PRRC1: variants seen among roughly 807,000 people sequenced by gnomAD.
PRRC1 encodes protein PRRC1.
In PRRC1, 39 loss-of-function variants were observed where a neutral mutation model predicts 40.7. The observed-to-expected ratio is 0.96, with a 90% CI of 0.74 to 1.25. PRRC1 has a LOEUF of 1.25. Ranked by LOEUF, PRRC1 falls within the 50% of genes most tolerant of loss-of-function variation. PRRC1 has a pLI of 0.00. For missense variants in PRRC1, 573 were observed against 548.3 expected (o/e 1.05, Z -0.45); for synonymous variants, 175 against 193.3 (o/e 0.91, Z 0.79).
intron 1 of PRRC1, among the ~76,000 whole-genome samples, chr5:127,518,325 G>A (rs1340325183): frequency 2.6e-5 from 4 of 152,234 alleles, no homozygotes; most frequent in African/African-American, 9.6e-5. Flanking sequence ...TTACCCCATC[G>A]GTGCTTAGCG....
Position 127,533,698 on chromosome 5 carries a change from A to G in PRRC1, c.833A>G (p.Gln278Arg). 1 of 1,614,142 alleles carries G rather than the reference A, an allele frequency of 6.2e-7. No homozygotes were observed. Among genetic ancestry groups the G allele is most frequent in the Non-Finnish European group, 8.5e-7 (1 of 1,180,004 alleles). Reference protein sequence around the residue: ...VKVAAVRDAFQEVFGLAVVVG... With the variant: ...VKVAAVRDAFREVFGLAVVVG... ...GTTGCTGCTGTCCGAGATGCCTTCC[A>G]GGAGGTCTTTGGCTTAGCTGTGGTT... The change falls in exon 6 of 9, where the codon CAG becomes CGG. Residue 278 changes from glutamine to arginine, a missense_variant. Coordinates refer to ENST00000296666, the MANE Select transcript of PRRC1 (RefSeq NM_130809.5).
chr5:127,535,985 A>C (rs1767891420), intron 6 of PRRC1, among the ~76,000 whole-genome samples: 1 of 152,146 alleles, frequency 6.6e-6, no homozygotes, highest in South Asian at 2.1e-4. Context: ...CATACCACAA[A>C]ACCACTTTTC....
intron 5 of PRRC1, 86 bp from the exon 6 acceptor site, chr5:127,533,537 A>G: frequency 1.9e-6 from 2 of 1,066,544 alleles, no homozygotes; most frequent in African/African-American, 1.6e-5. Flanking sequence ...AATTATGTAT[A>G]TTAGATGTTA....
Position 127,553,678 on chromosome 5 carries a change from C to T in PRRC1, c.*1762C>T, listed in dbSNP as rs435795. 0.37 allele frequency: 548,265 copies of T among 1,474,014 alleles called. 106,981 individuals carry two copies. Among genetic ancestry groups the T allele is most frequent in the African/African-American group, 0.63 (43,806 of 69,954 alleles). 91.3% of individuals were successfully genotyped at this position (1,474,014 alleles called of 1,614,324 possible). A position where few individuals can be genotyped will look rare whatever the true frequency, so the allele number is the denominator to read the frequency against. On this transcript the variant is annotated 3_prime_UTR_variant, in exon 9 of 9. Coordinates refer to ENST00000296666, the MANE Select transcript of PRRC1 (RefSeq NM_130809.5). ...ACTTTCCCTCCTATTATAAGGAAAT[C>T]TTACAGATTCTAAAAATACCTTAAT...
intron 5 of PRRC1, among the ~76,000 whole-genome samples, chr5:127,531,446 A>G (rs1767766890): frequency 6.6e-6 from 1 of 152,182 alleles, no homozygotes; most frequent in African/African-American, 2.4e-5. Context: ...TCCACCATAT[A>G]TGTTCTTTTC....
In PRRC1 at chr5:127,524,903, C is replaced by G; in HGVS notation, c.476C>G (p.Ser159Cys). 1 of 1,605,052 alleles carries G rather than the reference C, an allele frequency of 6.2e-7. No homozygotes were observed. Among genetic ancestry groups the G allele is most frequent in the Non-Finnish European group, 8.5e-7 (1 of 1,174,122 alleles). Residue 159 changes from serine to cysteine, a missense_variant, in exon 3 of 9, where the codon TCT becomes TGT. Ser to Cys is a moderately radical substitution (Grantham distance 112). Coordinates refer to ENST00000296666, the MANE Select transcript of PRRC1 (RefSeq NM_130809.5). Reference sequence around the variant, plus strand: ...CAGACACCCCTGATGCCATCATTTTCTGCACCTTCAGGAACAGGTAATTCT... The same window carrying G: ...CAGACACCCCTGATGCCATCATTTTGTGCACCTTCAGGAACAGGTAATTCT... Reference protein sequence around the residue: ...APQTPLMPSFSAPSGTGLLPT... With the variant: ...APQTPLMPSFCAPSGTGLLPT...
At chr5:127,548,399 G>T (rs1379616143) in intron 8 of PRRC1, 1 of 181,904 alleles carries the variant, frequency 5.5e-6, no homozygotes, top group Non-Finnish European at 1.1e-5. Context: ...ACCTAATAGT[G>T]TACCTATCCA....
Position 127,545,848 on chromosome 5 carries a change from C to T in PRRC1, c.1026-1971C>T, listed in dbSNP as rs577157892. ...CTGTGAAGATAATATGTTGTTTTCTCTGGCTGCTTTTAGGATTTTCTCTGT... is the reference window on the plus strand; with the variant it reads ...CTGTGAAGATAATATGTTGTTTTCTTTGGCTGCTTTTAGGATTTTCTCTGT... On this transcript the variant is annotated intron_variant, in intron 7 of 8. Coordinates refer to ENST00000296666, the MANE Select transcript of PRRC1 (RefSeq NM_130809.5). 2.0e-5 allele frequency among the ~76,000 whole-genome samples: 3 copies of T among 151,266 alleles called. No individual in the cohort carries two copies. The South Asian group carries it at 6.3e-4, about 32-fold the overall frequency.
rs1768489715 is a variant in PRRC1, at chr5:127,555,015, G to A, written c.*3099G>A. 6.6e-6 allele frequency: 1 copy of A among 152,586 alleles called. No homozygotes were observed. The highest frequency in any genetic ancestry group is 2.4e-5 in the African/African-American group (1 of 41,432). The allele number at this position is 152,586 out of a possible 1,614,324, so 9.5% of individuals were successfully genotyped here. On this transcript the variant is annotated 3_prime_UTR_variant, in exon 9 of 9. Transcript: ENST00000296666. ...TTCATTTTATGATATTACGCAGGATGATGTATTGAGTAAAATCAGTTTTGT... is the reference window on the plus strand; with the variant it reads ...TTCATTTTATGATATTACGCAGGATAATGTATTGAGTAAAATCAGTTTTGT...
chr5:127,527,235 C>T (rs953024449), intron 4 of PRRC1, among the ~76,000 whole-genome samples: 3 of 151,790 alleles, frequency 2.0e-5, no homozygotes, highest in African/African-American at 7.3e-5. Flanking sequence ...GTTTATTATG[C>T]ACAACATGAT....
intron 8 of PRRC1, chr5:127,548,394 A>G (rs1166980746): frequency 2.0e-5 from 4 of 197,972 alleles, no homozygotes; most frequent in African/African-American, 2.4e-5. Context: ...AATGGACCTA[A>G]TAGTGTACCT....
At chr5:127,546,444 C>G (rs1307162129) in intron 7 of PRRC1, among the ~76,000 whole-genome samples, 1 of 152,152 alleles carries the variant, frequency 6.6e-6, no homozygotes, top group Non-Finnish European at 1.5e-5. Context: ...TGCTGTCTCT[C>G]TGAATGCATA....
In PRRC1 at chr5:127,553,980, T is replaced by C. The variant is rs1768461270; in HGVS notation, c.*2064T>C. ...TGAACTGCTCTGGCCTCTCTGGTTC[T>C]GTTCTTGGCCCAGAGTTTTTGAAAA... On this transcript the variant is annotated 3_prime_UTR_variant, in exon 9 of 9. Transcript: ENST00000296666. 3 of 1,420,756 alleles carry C rather than the reference T, an allele frequency of 2.1e-6. No individual in the cohort carries two copies. The Admixed American group carries it at 7.5e-5, about 35-fold the overall frequency. 88.0% of individuals were successfully genotyped at this position (1,420,756 alleles called of 1,614,324 possible). A position where few individuals can be genotyped will look rare whatever the true frequency, so the allele number is the denominator to read the frequency against.
Position 127,548,077 on chromosome 5 carries a change from G to A in PRRC1, c.1128+156G>A, listed in dbSNP as rs759482439. ...ATTTTTCTTTGCTTTTTAATTTCCTGATCCTTCCATGTTGTTTTAGTACCT... is the reference window on the plus strand; with the variant it reads ...ATTTTTCTTTGCTTTTTAATTTCCTAATCCTTCCATGTTGTTTTAGTACCT... On this transcript the variant is annotated intron_variant, in intron 8 of 8. Coordinates refer to ENST00000296666, the MANE Select transcript of PRRC1 (RefSeq NM_130809.5). The A allele has an allele frequency of 4.3e-5, 30 of 695,816 alleles. 1 individual carries two copies. The highest frequency in any genetic ancestry group is 6.0e-5 in the Non-Finnish European group (23 of 385,240). 43.1% of individuals were successfully genotyped at this position (695,816 alleles called of 1,614,324 possible).
intron 1 of PRRC1, among the ~76,000 whole-genome samples, chr5:127,522,377 A>C (rs1351232416): frequency 6.6e-6 from 1 of 152,186 alleles, no homozygotes; most frequent in Non-Finnish European, 1.5e-5. Flanking sequence ...TAATGCTTTT[A>C]TCAAGTGAAG....
At chr5:127,519,332 G>C (rs2127086109) in intron 1 of PRRC1, among the ~76,000 whole-genome samples, 1 of 152,288 alleles carries the variant, frequency 6.6e-6, no homozygotes, top group Non-Finnish European at 1.5e-5. Context: ...TCTGCTTAGT[G>C]CCATAGATCT....
rs201728216 is a variant in PRRC1 at position 127,521,532 on chromosome 5, CATCT to C, written c.-20-1927_-20-1924del. Among the ~76,000 whole-genome samples, 1,278 of 152,338 alleles carry C rather than the reference CATCT, an allele frequency of 8.4e-3. 10 individuals are homozygous for C. Among genetic ancestry groups the C allele is most frequent in the East Asian group, 0.03 (155 of 5,190 alleles). On this transcript the variant is annotated intron_variant, in intron 1 of 8. Transcript: ENST00000296666. ...TTCAGGTGTGCTCTTGACATTGCTC[CATCT>C]GTGAGACACACCCTTCTATAGAAGT...
intron 8 of PRRC1, chr5:127,550,248 T>G (rs966008515): frequency 7.2e-5 from 11 of 152,318 alleles, no homozygotes; most frequent in African/African-American, 2.6e-4. Flanking sequence ...TTTTAAAATT[T>G]AGAAGATACA....
rs200402906 is a variant in PRRC1 at position 127,551,839 on chromosome 5, C to T, written c.1261C>T (p.Arg421Cys). Residue 421 changes from arginine to cysteine, a missense_variant, in exon 9 of 9, where the codon CGT becomes TGT. Arg to Cys is a radical substitution (Grantham distance 180). Coordinates refer to ENST00000296666, the MANE Select transcript of PRRC1 (RefSeq NM_130809.5). ...DWHMAFTGMS[R>C]RQMIYSAARA... ...GCACATGGCATTTACTGGGATGTCC[C>T]GTCGGCAGATGATCTACAGTGCAGC... 2.7e-5 allele frequency: 43 copies of T among 1,614,042 alleles called. No homozygotes were observed. The Admixed American group carries it at 2.8e-4, about 11-fold the overall frequency.
Sources: allele counts gnomAD v4.1 joint callset (sites outside exome capture counted in the v4.1 genomes callset), GRCh38; gene constraint gnomAD v4.1.1; transcripts MANE v1.5; gene names NCBI Gene and HGNC (gene_info 2026-07-23, HGNC 2026-07-21).